Variants in CNTNAP2 observed in about 807,000 individuals in gnomAD.
The protein encoded by CNTNAP2 is contactin associated protein 2.
Under a neutral mutation model 155.2 loss-of-function variants are expected in CNTNAP2, and 98 were observed. The ratio of observed to expected loss-of-function variants is 0.63; its 90% CI spans 0.54 to 0.75. CNTNAP2 has a LOEUF of 0.75. Ranked by LOEUF, CNTNAP2 falls within the 30% of genes least tolerant of loss-of-function variation. The pLI is 0.00. For missense variants in CNTNAP2, 1,727 were observed against 1,688.1 expected, an observed-to-expected ratio of 1.02 and a Z score of -0.40; for synonymous variants, 651 against 631.2, an observed-to-expected ratio of 1.03 and a Z score of -0.47.
intron 1 of CNTNAP2, among the ~76,000 whole-genome samples, chr7:146,196,316 A>T (rs1298528313): frequency 1.3e-5 from 2 of 152,068 alleles, no homozygotes; most frequent in African/African-American, 2.4e-5. Flanking sequence ...TGAATTAGAG[A>T]CTCTTACACA....
intron 8 of CNTNAP2, among the ~76,000 whole-genome samples, chr7:147,150,350 A>C (rs1041317734): frequency 7.9e-5 from 12 of 152,224 alleles, no homozygotes. Context: ...GAACTCAAAG[A>C]GTACTGAAAG....
At chr7:148,016,210 A>G (rs1236448942) in intron 15 of CNTNAP2, among the ~76,000 whole-genome samples, 1 of 152,194 alleles carries the variant, frequency 6.6e-6, no homozygotes, top group Non-Finnish European at 1.5e-5. Flanking sequence ...CGGGGTGGAC[A>G]TGCCCATCCC....
chr7:146,731,368 T>A (rs1462190342), intron 1 of CNTNAP2, among the ~76,000 whole-genome samples: 1 of 151,704 alleles, frequency 6.6e-6, no homozygotes, highest in Non-Finnish European at 1.5e-5. Context: ...TTTTATTTAT[T>A]ATTTATTATT....
At chr7:146,935,936 C>T (rs1317889806) in intron 3 of CNTNAP2, among the ~76,000 whole-genome samples, 1 of 152,176 alleles carries the variant, frequency 6.6e-6, no homozygotes, top group African/African-American at 2.4e-5. Flanking sequence ...TAATAGAAGT[C>T]TCCCTGGTGT....
chr7:146,896,168 A>G (rs1795872601), intron 3 of CNTNAP2, among the ~76,000 whole-genome samples: 1 of 152,148 alleles, frequency 6.6e-6, no homozygotes, highest in Non-Finnish European at 1.5e-5. Context: ...ACATGAATCC[A>G]GAATGATTGA....
chr7:147,619,867 T>C (rs1322557097), intron 12 of CNTNAP2, among the ~76,000 whole-genome samples: 2 of 152,166 alleles, frequency 1.3e-5, no homozygotes, highest in Non-Finnish European at 2.9e-5. Flanking sequence ...ACAGCAGGTC[T>C]TGGGGCAACA....
At chr7:146,839,344 A>T (rs745845776) in intron 2 of CNTNAP2, among the ~76,000 whole-genome samples, 9 of 152,172 alleles carry the variant, frequency 5.9e-5, no homozygotes, top group Admixed American at 3.3e-4. Context: ...TTTACATGAC[A>T]GAAAAAATTG....
At chr7:147,309,035 G>A (rs1159101301) in intron 9 of CNTNAP2, among the ~76,000 whole-genome samples, 1 of 152,120 alleles carries the variant, frequency 6.6e-6, no homozygotes, top group Non-Finnish European at 1.5e-5. Context: ...ACCTCCTCAA[G>A]CATATACTTC....
chr7:147,392,313 C>CTT (rs5888251), intron 9 of CNTNAP2, among the ~76,000 whole-genome samples: 9,293 of 145,496 alleles, frequency 0.064, 321 homozygotes, highest in South Asian at 0.097. Context: ...GTATCAAATT[C>CTT]TTTTTTTTTT....
At chr7:146,436,037 T>A (rs1303757425) in intron 1 of CNTNAP2, among the ~76,000 whole-genome samples, 1 of 152,182 alleles carries the variant, frequency 6.6e-6, no homozygotes, top group African/African-American at 2.4e-5. Flanking sequence ...CATTTCCCTA[T>A]AATGCCGATG....
chr7:147,155,473 T>G (rs779972100), intron 8 of CNTNAP2, among the ~76,000 whole-genome samples: 5 of 152,024 alleles, frequency 3.3e-5, no homozygotes, highest in Non-Finnish European at 7.4e-5. Flanking sequence ...ACATAGACAT[T>G]TGGAGGAGGC....
intron 20 of CNTNAP2, among the ~76,000 whole-genome samples, chr7:148,243,894 A>G (rs566999401): frequency 6.6e-6 from 1 of 152,234 alleles, no homozygotes; most frequent in African/African-American, 2.4e-5. Context: ...ACCCACAAGC[A>G]GTCTTTTACA....
At chr7:146,323,976 TC>T (rs1478405708) in intron 1 of CNTNAP2, among the ~76,000 whole-genome samples, 1 of 152,236 alleles carries the variant, frequency 6.6e-6, no homozygotes, top group Non-Finnish European at 1.5e-5. Context: ...AGTATTTATT[TC>T]TCGTCATATG....
intron 1 of CNTNAP2, among the ~76,000 whole-genome samples, chr7:146,574,262 G>A (rs1798488276): frequency 6.6e-6 from 1 of 152,172 alleles, no homozygotes; most frequent in African/African-American, 2.4e-5. Flanking sequence ...GTGATGAGTT[G>A]TATTGGTTTT....
intron 15 of CNTNAP2, among the ~76,000 whole-genome samples, chr7:148,038,411 C>A (rs1352522346): frequency 6.6e-6 from 1 of 152,218 alleles, no homozygotes; most frequent in Non-Finnish European, 1.5e-5. Flanking sequence ...CCTAGGAAAT[C>A]TCTTCAACAC....
intron 8 of CNTNAP2, among the ~76,000 whole-genome samples, chr7:147,298,781 C>T (rs964669766): frequency 6.6e-6 from 1 of 152,132 alleles, no homozygotes; most frequent in African/African-American, 2.4e-5. Flanking sequence ...TGGACACTAA[C>T]ATTTGAATTG....
At chr7:147,623,207 C>A (rs532360112) in intron 12 of CNTNAP2, among the ~76,000 whole-genome samples, 1 of 152,160 alleles carries the variant, frequency 6.6e-6, no homozygotes, top group Admixed American at 6.5e-5. Context: ...GACAAGGATG[C>A]CTACTTTCAC....
At chr7:146,375,175 A>G (rs924740872) in intron 1 of CNTNAP2, among the ~76,000 whole-genome samples, 1 of 152,202 alleles carries the variant, frequency 6.6e-6, no homozygotes, top group Admixed American at 6.5e-5. Context: ...TAACTAGTTC[A>G]TTGCTTCTCT....
At chr7:147,917,949 A>G (rs1800189249) in intron 14 of CNTNAP2, among the ~76,000 whole-genome samples, 1 of 152,158 alleles carries the variant, frequency 6.6e-6, no homozygotes, top group Non-Finnish European at 1.5e-5. Flanking sequence ...CACCTAAAAT[A>G]ACTCTTCACA....
Sources: allele counts gnomAD v4.1 joint callset (sites outside exome capture counted in the v4.1 genomes callset), GRCh38; gene constraint gnomAD v4.1.1; transcripts MANE v1.5; gene names NCBI Gene and HGNC (gene_info 2026-07-23, HGNC 2026-07-21).